Variants in INPP5B observed in about 807,000 individuals in gnomAD.
The protein encoded by INPP5B is type II inositol 1,4,5-trisphosphate 5-phosphatase.
INPP5B carries 90 observed loss-of-function variants against 118.5 expected under a neutral mutation model. That is an observed-to-expected ratio of 0.76 (90% CI 0.64 to 0.90). The LOEUF is 0.90. INPP5B is among the 40% of genes least tolerant of loss of function. The pLI, the probability that INPP5B is intolerant of heterozygous loss-of-function variation, is 0.00. For missense variants in INPP5B, 984 were observed against 1,125.6 expected (o/e 0.87, Z 1.80); for synonymous variants, 385 against 418.9 (o/e 0.92, Z 0.99).
chr1:37,865,938 G>A (rs755227301), intron 21 of INPP5B, 50 bp from the exon 22 acceptor site: 1 of 1,602,696 alleles, frequency 6.2e-7, no homozygotes, highest in African/African-American at 1.3e-5. Flanking sequence ...CCATGGTTAG[G>A]AAAAGGCCCA....
chr1:37,927,488 A>G (rs973435322), intron 7 of INPP5B, among the ~76,000 whole-genome samples: 2 of 152,088 alleles, frequency 1.3e-5, no homozygotes, highest in African/African-American at 4.8e-5. Flanking sequence ...CTGAACCTGA[A>G]GACGTGGATT....
chr1:37,940,768 G>A lies in INPP5B; in HGVS notation c.311C>T (p.Ala104Val). 2 of 1,613,838 alleles carry A rather than the reference G, an allele frequency of 1.2e-6. No homozygotes were observed. The highest frequency in any genetic ancestry group is 8.5e-7 in the Non-Finnish European group (1 of 1,179,768). Residue 104 changes from alanine (A) to valine (V), a missense_variant, in exon 6 of 24, where the codon GCA (alanine) becomes GTA (valine). Coordinates refer to ENST00000373024, the MANE Select transcript of INPP5B (RefSeq NM_005540.3). ...CAGTTGGAATACGAGGCTAAGCTCT[G>A]CTGTGTCCAGCTGGACGGTCACATC... is the stretch of plus-strand genomic sequence containing the variant. ...GSDVTVQLDT[A>V]ELSLVFQLPF...
chr1:37,890,576 C>G (rs1361261660), intron 8 of INPP5B, among the ~76,000 whole-genome samples: 2 of 152,074 alleles, frequency 1.3e-5, no homozygotes, highest in African/African-American at 4.8e-5. Context: ...CAGTAGGGGG[C>G]ACTGGAGTAC....
At chr1:37,895,255 G>A (rs534364855) in intron 7 of INPP5B, among the ~76,000 whole-genome samples, 81 of 152,304 alleles carry the variant, frequency 5.3e-4, no homozygotes, top group African/African-American at 1.9e-3. Flanking sequence ...AGACACTTTG[G>A]AAGACAGCTT....
intron 7 of INPP5B, among the ~76,000 whole-genome samples, chr1:37,917,935 C>G (rs1216772279): frequency 6.6e-6 from 1 of 152,172 alleles, no homozygotes; most frequent in African/African-American, 2.4e-5. Flanking sequence ...CCTCCACCAT[C>G]CCCTGGGCAT....
chr1:37,941,370 G>A (rs1230611167), intron 5 of INPP5B, among the ~76,000 whole-genome samples: 2 of 152,128 alleles, frequency 1.3e-5, no homozygotes, highest in African/African-American at 4.8e-5. Context: ...GGGCTAGGCT[G>A]GGCACAGTGA....
rs1358665420 is a variant in INPP5B, at chr1:37,882,846, G to A, written c.1392C>T (p.Ile464=). 6.2e-6 allele frequency: 10 copies of A among 1,613,950 alleles called. No individual in the cohort carries two copies. The highest frequency in any genetic ancestry group is 3.3e-4 in the Middle Eastern group (2 of 6,082). ...ELDVEKVKKL[I]EEKDFQMLYA... ...ACAGCATTTGAAAGTCCTTCTCTTC[G>A]ATGAGCTTTTTCACTTTTTCCACAT... Residue 464 remains isoleucine (I), a synonymous_variant, in exon 14 of 24, where the codon ATC becomes ATT. Coordinates refer to ENST00000373024, the MANE Select transcript of INPP5B (RefSeq NM_005540.3).
At chr1:37,874,745 G>A (rs997345188) in intron 17 of INPP5B, among the ~76,000 whole-genome samples, 12 of 152,184 alleles carry the variant, frequency 7.9e-5, no homozygotes, top group African/African-American at 2.2e-4. Flanking sequence ...GCAGTGAGCC[G>A]AGATCGTGCC....
At chr1:37,922,383 G>T (rs139406936) in intron 7 of INPP5B, among the ~76,000 whole-genome samples, 1 of 151,214 alleles carries the variant, frequency 6.6e-6, no homozygotes, top group Non-Finnish European at 1.5e-5. Flanking sequence ...AGTGAACTCC[G>T]TCTCAAAAAA....
intron 7 of INPP5B, among the ~76,000 whole-genome samples, chr1:37,917,431 C>A (rs1467046546): frequency 1.3e-5 from 2 of 149,502 alleles, no homozygotes; most frequent in Non-Finnish European, 1.5e-5. Flanking sequence ...TCAAGCAATT[C>A]TCCTGCCTCA....
chr1:37,894,905 A>G (rs1643968907), intron 7 of INPP5B, among the ~76,000 whole-genome samples: 1 of 152,218 alleles, frequency 6.6e-6, no homozygotes, highest in South Asian at 2.1e-4. Flanking sequence ...TTCTTTTGGA[A>G]TGTTTCAGGT....
intron 15 of INPP5B, among the ~76,000 whole-genome samples, chr1:37,879,530 G>A (rs970427166): frequency 3.3e-5 from 5 of 152,042 alleles, no homozygotes; most frequent in South Asian, 2.1e-4. Flanking sequence ...GACTTTGGGA[G>A]GCTGAGGCAG....
chr1:37,945,578 TGA>T (rs1450817643), intron 3 of INPP5B, among the ~76,000 whole-genome samples, 176 bp downstream of exon 3: 1 of 152,268 alleles, frequency 6.6e-6, no homozygotes, highest in Non-Finnish European at 1.5e-5. Context: ...TTGAGGATTA[TGA>T]GTTAGTACGT....
intron 17 of INPP5B, among the ~76,000 whole-genome samples, chr1:37,874,617 G>A (rs1182363626): frequency 6.6e-6 from 1 of 152,138 alleles, no homozygotes; most frequent in Non-Finnish European, 1.5e-5. Flanking sequence ...GGCCAACATG[G>A]CAAAACCCCA....
In INPP5B at chr1:37,875,599, T is replaced by C. The variant is rs1315656282; in HGVS notation, c.1788+7A>G. 3 of 1,606,164 alleles carry C rather than the reference T, an allele frequency of 1.9e-6. No individual in the cohort carries two copies. Among genetic ancestry groups the C allele is most frequent in the Non-Finnish European group, 1.7e-6 (2 of 1,172,754 alleles). On this transcript the variant is annotated splice_region_variant and intron_variant, in intron 17 of 23. Transcript: ENST00000373024. ...CAATGCTAATATTCTTAACATGTCCTTCCTACCTCTCGCTTGGACAGGGAC... is the reference window on the plus strand; with the variant it reads ...CAATGCTAATATTCTTAACATGTCCCTCCTACCTCTCGCTTGGACAGGGAC...
chr1:37,916,636 G>A (rs1050656411), intron 7 of INPP5B, among the ~76,000 whole-genome samples: 4 of 151,860 alleles, frequency 2.6e-5, no homozygotes, highest in African/African-American at 7.3e-5. Flanking sequence ...GGCTGGTCTC[G>A]AACTCCCGAC....
Position 37,866,514 on chromosome 1 carries a change from C to T in INPP5B, c.2331G>A (p.Arg777=), listed in dbSNP as rs1178947588. 1.2e-6 allele frequency: 2 copies of T among 1,610,324 alleles called. No individual in the cohort carries two copies. Among genetic ancestry groups the T allele is most frequent in the East Asian group, 4.5e-5 (2 of 44,868 alleles). The change falls in exon 21 of 24, where the codon AGG becomes AGA. Residue 777 remains arginine, a synonymous_variant. Coordinates refer to ENST00000373024, the MANE Select transcript of INPP5B (RefSeq NM_005540.3). ...AGTCCCTGATATGTTCAAATTCTGA[C>T]CTCAGGCCTGGTTGCTGAAACAGAT... The part of the protein sequence containing the change: ...QEDLFQQPGL[R]SEFEHIRDCL...
intron 7 of INPP5B, among the ~76,000 whole-genome samples, chr1:37,899,356 G>C (rs1644243799): frequency 6.6e-6 from 1 of 151,692 alleles, no homozygotes; most frequent in South Asian, 2.1e-4. Context: ...CTGAGGTTGG[G>C]AGTTCGAGAC....
intron 7 of INPP5B, among the ~76,000 whole-genome samples, chr1:37,892,614 C>T (rs924845146): frequency 3.3e-5 from 5 of 152,286 alleles, no homozygotes; most frequent in Middle Eastern, 6.8e-3. Flanking sequence ...ATGGATTTCT[C>T]AACCATGCAT....
Sources: allele counts gnomAD v4.1 joint callset (sites outside exome capture counted in the v4.1 genomes callset), GRCh38; gene constraint gnomAD v4.1.1; transcripts MANE v1.5; gene names NCBI Gene and HGNC (gene_info 2026-07-23, HGNC 2026-07-21).